The following TRIM3 variants were observed in gnomAD, a reference collection of about 807,000 sequenced individuals.
The protein encoded by TRIM3 is tripartite motif-containing protein 3.
TRIM3 carries 13 observed loss-of-function variants against 66.6 expected under a neutral mutation model. The observed-to-expected ratio is 0.20, with a 90% CI of 0.13 to 0.31. The LOEUF (loss-of-function observed/expected upper bound fraction) is 0.31, where lower values mean the gene tolerates loss of function less well. Ranked by LOEUF, TRIM3 falls within the 10% of genes least tolerant of loss-of-function variation. The pLI, the probability that TRIM3 is intolerant of heterozygous loss-of-function variation, is 1.00. For synonymous variants in TRIM3, 406 were observed against 411.7 expected (o/e 0.99, Z 0.17); for missense variants, 711 against 1,020.4 (o/e 0.70, Z 4.13).
Position 6,457,598 on chromosome 11 carries a change from C to T in TRIM3, c.515+98G>A. On this transcript the variant is annotated intron_variant, in intron 4 of 11. Transcript: ENST00000345851. The surrounding 1 kb of genome is among the most constrained non-coding windows in gnomAD (Gnocchi z 4.5). Reference sequence around the variant, plus strand: ...CCTTCCTGAGACCTCCCTGAGACTTCCATCTCTGCCCTTCCCAGACCCTTT... The same window carrying T: ...CCTTCCTGAGACCTCCCTGAGACTTTCATCTCTGCCCTTCCCAGACCCTTT... The T allele has an allele frequency of 6.4e-7, 1 of 1,551,240 alleles. No individual in the cohort carries two copies. Among genetic ancestry groups the T allele is most frequent in the Non-Finnish European group, 8.7e-7 (1 of 1,145,722 alleles).
chr11:6,467,779 A>G (rs761052622), intron 1 of TRIM3, among the ~76,000 whole-genome samples: 44 of 152,164 alleles, frequency 2.9e-4, no homozygotes, highest in Non-Finnish European at 5.7e-4. Flanking sequence ...AAAAAAAAAA[A>G]GTGATTTTAT....
intron 1 of TRIM3, among the ~76,000 whole-genome samples, chr11:6,470,905 G>C (rs1243298205): frequency 1.3e-5 from 2 of 152,192 alleles, no homozygotes; most frequent in African/African-American, 2.4e-5. Context: ...GAATGCCAAG[G>C]GAGAAGAGAA....
At chr11:6,460,729 T>C (rs1055868094) in intron 2 of TRIM3, among the ~76,000 whole-genome samples, 1 of 152,116 alleles carries the variant, frequency 6.6e-6, no homozygotes, top group Non-Finnish European at 1.5e-5. Flanking sequence ...GGAGTGAAGA[T>C]CTGCATTATG....
rs1321091617 is a variant in TRIM3, at chr11:6,456,932, G to A, written c.794C>T (p.Pro265Leu). Residue 265 changes from proline (P) to leucine (L), a missense_variant, in exon 6 of 12, where the codon CCG becomes CTG. Physicochemically the swap from Pro to Leu is moderately conservative, Grantham distance 98. Around this residue, in one of 3 missense-constraint regions of TRIM3, gnomAD observed 399 missense variants for 458.1 expected, o/e 0.87. Transcript: ENST00000345851. This position sits in a 1 kb window ranked among gnomAD's most constrained non-coding sequence, Gnocchi z 6.4. ...GTGCTTGCGCACCAGCAACACCTCC[G>A]GGGCCGAGCCCAGGCGCAGTGCCTG... ...AEQALRLGSA[P>L]EVLLVRKHMR... 4 of 1,610,918 alleles carry A rather than the reference G, an allele frequency of 2.5e-6. No individual in the cohort carries two copies. Among genetic ancestry groups the A allele is most frequent in the East Asian group, 2.2e-5 (1 of 44,884 alleles).
chr11:6,463,572 C>T (rs940913531), intron 2 of TRIM3, among the ~76,000 whole-genome samples: 6 of 152,084 alleles, frequency 3.9e-5, no homozygotes, highest in African/African-American at 1.2e-4. Flanking sequence ...GCCACAGGGT[C>T]CAGGATGGGC....
chr11:6,459,673 C>T (rs1850139433), intron 2 of TRIM3, among the ~76,000 whole-genome samples: 1 of 152,074 alleles, frequency 6.6e-6, no homozygotes, highest in Non-Finnish European at 1.5e-5. Flanking sequence ...GTAATGTAGA[C>T]TATGAGGTGG....
intron 1 of TRIM3, among the ~76,000 whole-genome samples, chr11:6,466,043 G>A (rs1164399822): frequency 6.6e-6 from 1 of 152,186 alleles, no homozygotes. Flanking sequence ...TAATTTGAGA[G>A]TGTGACATAG....
In TRIM3 at chr11:6,456,416, G is replaced by T; in HGVS notation, c.1310C>A (p.Ser437Tyr). The T allele has an allele frequency of 6.5e-7, 1 of 1,532,654 alleles. No homozygotes were observed. Among genetic ancestry groups the T allele is most frequent in the Non-Finnish European group, 8.8e-7 (1 of 1,137,348 alleles). The allele number at this position is 1,532,654 out of a possible 1,614,324, so 94.9% of individuals were successfully genotyped here. A position where few individuals can be genotyped will look rare whatever the true frequency, so the allele number is the denominator to read the frequency against. Residue 437 changes from serine to tyrosine, a missense_variant, in exon 6 of 12, where the codon TCC becomes TAC. Physicochemically the swap from Ser to Tyr is moderately radical, Grantham distance 144 (BLOSUM62 -2). Transcript: ENST00000345851. The surrounding 1 kb of genome is among the most constrained non-coding windows in gnomAD (Gnocchi z 6.4). The stretch of plus-strand genomic sequence containing the variant: ...CACATGGCTGCCGGGGCCGCCAGGG[G>T]ACTTGACACGGCGCTTCACATCGTC... The part of the protein sequence containing the change: ...SPDDVKRRVK[S>Y]PGGPGSHVRQ...
intron 2 of TRIM3, among the ~76,000 whole-genome samples, chr11:6,462,892 TA>T (rs202036047): frequency 2.1e-5 from 3 of 145,760 alleles, no homozygotes; most frequent in Admixed American, 6.9e-5. Context: ...CACTCATCTC[TA>T]AAAAAAAAAT....
chr11:6,459,394 G>C (rs1213872654), intron 2 of TRIM3, among the ~76,000 whole-genome samples: 7 of 152,208 alleles, frequency 4.6e-5, no homozygotes, highest in African/African-American at 1.7e-4. Flanking sequence ...CCTCTGTGTG[G>C]GGAGTGAATT....
Position 6,456,005 on chromosome 11 carries a change from C to T in TRIM3, c.1533+67G>A, listed in dbSNP as rs1393288451. 3.1e-5 allele frequency: 46 copies of T among 1,491,152 alleles called. 1 individual carries two copies. Among genetic ancestry groups the T allele is most frequent in the Non-Finnish European group, 4.0e-5 (43 of 1,070,700 alleles). The allele number at this position is 1,491,152 out of a possible 1,614,324, so 92.4% of individuals were successfully genotyped here. ...CCAGGAGGTGACCTGTACATTCTAT[C>T]TTTTCAGTAGCCTGTAGCTTGAAAA... On this transcript the variant is annotated intron_variant, in intron 7 of 11. Transcript: ENST00000345851. The surrounding 1 kb of genome is among the most constrained non-coding windows in gnomAD (Gnocchi z 6.4).
Position 6,456,952 on chromosome 11 carries a change from T to C in TRIM3, c.774A>G (p.Ala258=), listed in dbSNP as rs771950716. 6 of 1,609,498 alleles carry C rather than the reference T, an allele frequency of 3.7e-6. No individual in the cohort carries two copies. The highest frequency in any genetic ancestry group is 4.2e-6 in the Non-Finnish European group (5 of 1,179,472). Residue 258 remains alanine, a synonymous_variant, in exon 6 of 12, where the codon GCA becomes GCG. Transcript: ENST00000345851. This position sits in a 1 kb window ranked among gnomAD's most constrained non-coding sequence, Gnocchi z 6.4. The part of the protein sequence containing the change: ...IGSSCSFAEQ[A]LRLGSAPEVL... ...CCTCCGGGGCCGAGCCCAGGCGCAGTGCCTGCTCTGCAAAGCTGCAGCTAC... is the reference window on the plus strand; with the variant it reads ...CCTCCGGGGCCGAGCCCAGGCGCAGCGCCTGCTCTGCAAAGCTGCAGCTAC...
At chr11:6,455,905 G>A (rs1478642369) in intron 7 of TRIM3, among the ~76,000 whole-genome samples, 167 bp downstream of exon 7, 1 of 152,208 alleles carries the variant, frequency 6.6e-6, no homozygotes, top group African/African-American at 2.4e-5. Flanking sequence ...GAATGGGGTG[G>A]CTGGTGGGTG....
chr11:6,457,527 C>T lies in TRIM3; in HGVS notation c.516-51G>A. The T allele has an allele frequency of 6.3e-7, 1 of 1,593,616 alleles. No homozygotes were observed. On this transcript the variant is annotated intron_variant, in intron 4 of 11. Coordinates refer to ENST00000345851, the MANE Select transcript of TRIM3 (RefSeq NM_033278.4). The surrounding 1 kb of genome is among the most constrained non-coding windows in gnomAD (Gnocchi z 4.5). ...AGTTGCTGAGGGTGGCTTTGCCGAA[C>T]TTTCCCTTCTCCCTGGGGAACCTAC...
At chr11:6,468,509 T>C (rs183113349) in intron 1 of TRIM3, among the ~76,000 whole-genome samples, 28 of 152,238 alleles carry the variant, frequency 1.8e-4, no homozygotes, top group Admixed American at 1.8e-3. Context: ...CAAAGGTGAC[T>C]CTGAGAAAGA....
intron 7 of TRIM3, among the ~76,000 whole-genome samples, chr11:6,454,138 A>G (rs1249607583): frequency 1.3e-5 from 2 of 152,194 alleles, no homozygotes; most frequent in Non-Finnish European, 2.9e-5. Context: ...CAGCACTTTC[A>G]GAGGCCAAGG....
chr11:6,457,719 G>A lies in TRIM3; in HGVS notation c.492C>T (p.Arg164=), dbSNP rs1850059055. 1 of 1,613,378 alleles carries A rather than the reference G, an allele frequency of 6.2e-7. No individual in the cohort carries two copies. The highest frequency in any genetic ancestry group is 1.1e-5 in the South Asian group (1 of 91,052). Residue 164 remains arginine (R), a synonymous_variant, in exon 4 of 12, where the codon CGC becomes CGT. Transcript: ENST00000345851. The surrounding 1 kb of genome is among the most constrained non-coding windows in gnomAD (Gnocchi z 4.5). ...VVEQHKAALQ[R]QLEAVRGRLP... ...ACCGGCCACGCACAGCCTCGAGCTGGCGCTGCAGGGCCGCCTTGTGCTGCT... is the reference window on the plus strand; with the variant it reads ...ACCGGCCACGCACAGCCTCGAGCTGACGCTGCAGGGCCGCCTTGTGCTGCT...
rs1850007225 is a variant in TRIM3, at chr11:6,456,730, C to G, written c.996G>C (p.Leu332=). 4.3e-6 allele frequency: 7 copies of G among 1,609,942 alleles called. No individual in the cohort carries two copies. In the East Asian group the frequency reaches 1.6e-4, roughly 36 times the overall value. The stretch of plus-strand genomic sequence containing the variant: ...CAGGCTGGCCCACTAGCGCCTGGCG[C>G]AGGCCCTCTCCCGTGGCCACCGTTT... ...AHETVATGEG[L]RQALVGQPAS... Residue 332 remains leucine, a synonymous_variant, in exon 6 of 12, where the codon CTG becomes CTC. Transcript: ENST00000345851. This position sits in a 1 kb window ranked among gnomAD's most constrained non-coding sequence, Gnocchi z 6.4.
chr11:6,470,558 A>C (rs1850641381), intron 1 of TRIM3, among the ~76,000 whole-genome samples: 1 of 152,152 alleles, frequency 6.6e-6, no homozygotes, highest in Admixed American at 6.5e-5. Context: ...CATGAGCCAC[A>C]GCACCCAGCT....
Sources: allele counts gnomAD v4.1 joint callset (sites outside exome capture counted in the v4.1 genomes callset), GRCh38; gene constraint gnomAD v4.1.1; regional missense constraint gnomAD v4.1.1; non-coding constraint Gnocchi (gnomAD v3.1); transcripts MANE v1.5; gene names NCBI Gene and HGNC (gene_info 2026-07-23, HGNC 2026-07-21).